WARS1: variants seen among roughly 807,000 people sequenced by gnomAD.
WARS1 encodes tryptophanyl-tRNA synthetase 1.
WARS1 carries 17 observed loss-of-function variants against 47.8 expected under a neutral mutation model. That is an observed-to-expected ratio of 0.36 (90% CI 0.24 to 0.53). WARS1 has a LOEUF of 0.53. Among genes scored for constraint, WARS1 ranks in the 20% least tolerant of loss-of-function variants. The pLI is 0.91. For missense variants in WARS1, 434 were observed against 608.0 expected, an observed-to-expected ratio of 0.71 and a Z score of 3.01; for synonymous variants, 208 against 228.1, an observed-to-expected ratio of 0.91 and a Z score of 0.79.
chr14:100,364,064 T>G (rs755782391), intron 2 of WARS1, among the ~76,000 whole-genome samples: 1 of 152,168 alleles, frequency 6.6e-6, no homozygotes, highest in Non-Finnish European at 1.5e-5. Context: ...GCTCTCTGCT[T>G]GCTGTTGATT....
intron 4 of WARS1, among the ~76,000 whole-genome samples, chr14:100,357,062 T>C (rs776059837): frequency 1.3e-5 from 2 of 152,238 alleles, no homozygotes; most frequent in Non-Finnish European, 2.9e-5. Flanking sequence ...AAAACCCACA[T>C]GATCATCTCA....
At chr14:100,360,054 C>A (rs931880262) in intron 4 of WARS1, among the ~76,000 whole-genome samples, 1 of 152,130 alleles carries the variant, frequency 6.6e-6, no homozygotes, top group African/African-American at 2.4e-5. Flanking sequence ...TGGAACCTGC[C>A]CATATCTTGA....
chr14:100,369,774 T>C (rs1896229030), intron 1 of WARS1, among the ~76,000 whole-genome samples: 1 of 149,820 alleles, frequency 6.7e-6, no homozygotes, highest in Non-Finnish European at 1.5e-5. Flanking sequence ...ACCTCTGGGG[T>C]TCAAGCGATT....
At chr14:100,351,063 A>G (rs904691040) in intron 6 of WARS1, among the ~76,000 whole-genome samples, 1 of 152,168 alleles carries the variant, frequency 6.6e-6, no homozygotes, top group African/African-American at 2.4e-5. Context: ...CACAGGGCCA[A>G]TCACGAAAGG....
chr14:100,337,393 C>G (rs919171475), intron 9 of WARS1, among the ~76,000 whole-genome samples, 191 bp from the exon 10 acceptor site: 1 of 152,110 alleles, frequency 6.6e-6, no homozygotes, highest in Non-Finnish European at 1.5e-5. Context: ...TCCTGTGAGG[C>G]TTGGGTGTGA....
At chr14:100,369,772 G>T (rs1331376038) in intron 1 of WARS1, among the ~76,000 whole-genome samples, 1 of 151,896 alleles carries the variant, frequency 6.6e-6, no homozygotes, top group African/African-American at 2.4e-5. Context: ...CCACCTCTGG[G>T]GTTCAAGCGA....
At chr14:100,356,396 T>G (rs61990704) in intron 4 of WARS1, among the ~76,000 whole-genome samples, 4,557 of 97,712 alleles carry the variant, frequency 0.047, 194 homozygotes, top group Non-Finnish European at 0.047. Flanking sequence ...TGTGTGTGTG[T>G]GTGGGGGGGG....
chr14:100,347,749 G>C (rs932115256), intron 6 of WARS1, among the ~76,000 whole-genome samples: 1 of 152,126 alleles, frequency 6.6e-6, no homozygotes. Context: ...GCTAATTTTT[G>C]TATTTTTAGT....
intron 2 of WARS1, among the ~76,000 whole-genome samples, chr14:100,367,289 G>A (rs1896056215): frequency 6.6e-6 from 1 of 152,066 alleles, no homozygotes; most frequent in South Asian, 2.1e-4. Flanking sequence ...ACGGCCATGA[G>A]TTTCTAGTCT....
chr14:100,341,309 C>T (rs148455257), intron 9 of WARS1, among the ~76,000 whole-genome samples: 11 of 152,274 alleles, frequency 7.2e-5, no homozygotes, highest in East Asian at 1.9e-4. Context: ...CCCTGTGCTC[C>T]GGAAGTTTTG....
chr14:100,366,620 T>C (rs1896013232), intron 2 of WARS1: 1 of 742,950 alleles, frequency 1.3e-6, no homozygotes, highest in Admixed American at 1.9e-5. Flanking sequence ...CAGATTGCTG[T>C]CAGACATGGC....
upstream of WARS1, chr14:100,376,264 C>A: frequency 3.1e-6 from 2 of 653,528 alleles, no homozygotes; most frequent in Non-Finnish European, 4.3e-6. Context: ...GCTTACCCTG[C>A]CCAGCCGGGC....
At chr14:100,342,925 G>GCCTT in intron 8 of WARS1, among the ~76,000 whole-genome samples, 1 of 151,978 alleles carries the variant, frequency 6.6e-6, no homozygotes, top group East Asian at 1.9e-4. Context: ...TTGAGACAGA[G>GCCTT]CCTTGCTCTG....
intron 2 of WARS1, chr14:100,366,187 C>T (rs1895982233): frequency 2.2e-6 from 1 of 444,764 alleles, no homozygotes; most frequent in Non-Finnish European, 4.5e-6. Flanking sequence ...GGAAGGATCC[C>T]ACAGCCCAGC....
chr14:100,365,460 G>A, intron 2 of WARS1: 1 of 255,770 alleles, frequency 3.9e-6, no homozygotes, highest in Non-Finnish European at 8.0e-6. Context: ...GGCGCCTGCA[G>A]TCCCAGCTAC....
intron 4 of WARS1, among the ~76,000 whole-genome samples, chr14:100,359,750 C>G (rs903558818): frequency 6.6e-6 from 1 of 152,160 alleles, no homozygotes; most frequent in Non-Finnish European, 1.5e-5. Flanking sequence ...TATACTAAAA[C>G]CCACTTAACT....
chr14:100,354,175 G>A, intron 5 of WARS1: 1 of 508,934 alleles, frequency 2.0e-6, no homozygotes, highest in Non-Finnish European at 3.5e-6. Flanking sequence ...TAGGCTCAGA[G>A]AAGTAGCAGG....
chr14:100,339,124 T>C (rs11629422), intron 9 of WARS1, among the ~76,000 whole-genome samples: 32,088 of 143,954 alleles, frequency 0.22, 3,701 homozygotes, highest in Non-Finnish European at 0.27. Flanking sequence ...CACACACACA[T>C]ACACACACAC....
At chr14:100,357,628 A>G (rs915556880) in intron 4 of WARS1, among the ~76,000 whole-genome samples, 2 of 151,924 alleles carry the variant, frequency 1.3e-5, no homozygotes, top group Non-Finnish European at 2.9e-5. Context: ...TGCCTGCCCA[A>G]TTTTGTATTT....
Sources: gnomAD v4.1 joint callset for allele counts (sites outside exome capture counted in the v4.1 genomes callset) on GRCh38, gnomAD v4.1.1 for gene constraint, MANE v1.5 for transcripts, NCBI Gene and HGNC (gene_info 2026-07-23, HGNC 2026-07-21) for gene names.